Variants in SPSB4 observed in about 807,000 individuals in gnomAD.
The protein encoded by SPSB4 is splA/ryanodine receptor domain and SOCS box containing 4, also known as SPRY domain-containing SOCS box protein 4.
Under a neutral mutation model 20.9 loss-of-function variants are expected in SPSB4, and 21 were observed. The observed-to-expected ratio is 1.01, with a 90% confidence interval of 0.71 to 1.45. The LOEUF (loss-of-function observed/expected upper bound fraction) is 1.45. Among genes scored for constraint, SPSB4 ranks in the 40% most tolerant of loss-of-function variants. SPSB4 has a pLI of 0.00. For synonymous variants in SPSB4, 207 were observed against 183.8 expected, an observed-to-expected ratio of 1.13 and a Z score of -1.02; for missense variants, 399 against 399.2, an observed-to-expected ratio of 1.00 and a Z score of 0.00.
chr3:141,068,446 ATCTT>A (rs1937931856), intron 2 of SPSB4, among the ~76,000 whole-genome samples: 1 of 152,298 alleles, frequency 6.6e-6, no homozygotes, highest in East Asian at 1.9e-4. Flanking sequence ...ACAACAAACA[ATCTT>A]TATTTAATGG....
intron 2 of SPSB4, among the ~76,000 whole-genome samples, chr3:141,131,393 A>C (rs1329848645): frequency 6.6e-6 from 1 of 152,120 alleles, no homozygotes; most frequent in Non-Finnish European, 1.5e-5. Flanking sequence ...GACAGCACAC[A>C]AATCTTAAGG....
At chr3:141,094,752 C>G (rs1559847487) in intron 2 of SPSB4, among the ~76,000 whole-genome samples, 2 of 151,848 alleles carry the variant, frequency 1.3e-5, no homozygotes. Context: ...AAGGTTCTCC[C>G]TTGTGCCCTG....
At chr3:141,116,118 G>C (rs1938876272) in intron 2 of SPSB4, among the ~76,000 whole-genome samples, 1 of 152,206 alleles carries the variant, frequency 6.6e-6, no homozygotes, top group African/African-American at 2.4e-5. Flanking sequence ...AAGCATAGCT[G>C]TTTGCTAGAA....
chr3:141,061,995 A>G (rs1937776618), intron 1 of SPSB4, among the ~76,000 whole-genome samples: 1 of 152,166 alleles, frequency 6.6e-6, no homozygotes, highest in Non-Finnish European at 1.5e-5. Flanking sequence ...TTGGCCTCCC[A>G]AAGTTCTGGG....
At chr3:141,144,144 T>C (rs1388944382) in intron 2 of SPSB4, among the ~76,000 whole-genome samples, 1 of 152,210 alleles carries the variant, frequency 6.6e-6, no homozygotes, top group Non-Finnish European at 1.5e-5. Flanking sequence ...AAGCAGATCC[T>C]ATCAGACGTC....
intron 2 of SPSB4, among the ~76,000 whole-genome samples, chr3:141,110,325 A>G (rs1343761067): frequency 7.9e-5 from 12 of 152,344 alleles, no homozygotes; most frequent in Non-Finnish European, 8.8e-5. Flanking sequence ...AGCATTTTCA[A>G]TCATTAAAAC....
intron 1 of SPSB4, among the ~76,000 whole-genome samples, chr3:141,056,887 C>T (rs1937655814): frequency 6.6e-6 from 1 of 152,258 alleles, no homozygotes; most frequent in Non-Finnish European, 1.5e-5. Context: ...TTCAAATGAC[C>T]TTGCAGAGCT....
intron 2 of SPSB4, among the ~76,000 whole-genome samples, chr3:141,082,812 G>A (rs4683548): frequency 7.8e-4 from 119 of 152,184 alleles, no homozygotes; most frequent in Non-Finnish European, 1.3e-3. Context: ...GGCTCAAAGC[G>A]TCCCTTTCAG....
intron 2 of SPSB4, among the ~76,000 whole-genome samples, chr3:141,140,628 G>A (rs542517405): frequency 1.1e-3 from 174 of 152,320 alleles, no homozygotes; most frequent in African/African-American, 3.7e-3. Flanking sequence ...TATCAGCAGC[G>A]GTGGCTGCAG....
In SPSB4 at chr3:141,066,125, G is replaced by T. The variant is rs1166787544; in HGVS notation, c.21G>T (p.Gly7=). 6.5e-7 allele frequency: 1 copy of T among 1,530,624 alleles called. No individual in the cohort carries two copies. Among genetic ancestry groups the T allele is most frequent in the Non-Finnish European group, 8.8e-7 (1 of 1,141,828 alleles). The allele number at this position is 1,530,624 out of a possible 1,614,324, so 94.8% of individuals were successfully genotyped here. The change falls in exon 2 of 3, where the codon GGG becomes GGT. Residue 7 remains glycine, a synonymous_variant. Coordinates refer to ENST00000310546, the MANE Select transcript of SPSB4 (RefSeq NM_080862.3). ...GAAGCATGGGCCAGAAGCTCTCGGG[G>T]AGCCTCAAGTCAGTGGAGGTGCGAG... The part of the protein sequence containing the change: MGQKLS[G]SLKSVEVREP...
chr3:141,110,117 G>GT (rs1559850898), intron 2 of SPSB4, among the ~76,000 whole-genome samples: 1 of 152,120 alleles, frequency 6.6e-6, no homozygotes, highest in Non-Finnish European at 1.5e-5. Context: ...GGGATATTTG[G>GT]TCCACAGCGG....
intron 2 of SPSB4, among the ~76,000 whole-genome samples, chr3:141,136,925 T>C (rs1451941241): frequency 1.3e-5 from 2 of 152,210 alleles, no homozygotes; most frequent in Admixed American, 1.3e-4. Context: ...ATAAATAACC[T>C]TGGGCAGTAT....
intron 2 of SPSB4, among the ~76,000 whole-genome samples, chr3:141,093,301 T>A (rs1938489980): frequency 6.6e-6 from 1 of 151,818 alleles, no homozygotes; most frequent in Non-Finnish European, 1.5e-5. Context: ...TATCTAGTAA[T>A]GCCATACATT....
intron 2 of SPSB4, among the ~76,000 whole-genome samples, chr3:141,146,789 G>T (rs1939419053): frequency 6.8e-6 from 1 of 146,914 alleles, no homozygotes; most frequent in African/African-American, 2.5e-5. Context: ...AAAAAAAAAA[G>T]ACACGCTGAA....
intron 2 of SPSB4, among the ~76,000 whole-genome samples, chr3:141,135,186 G>T (rs1454548885): frequency 6.6e-6 from 1 of 151,680 alleles, no homozygotes; most frequent in African/African-American, 2.4e-5. Flanking sequence ...TATAATTGTT[G>T]TATGATTCTT....
At chr3:141,096,572 G>A (rs758310160) in intron 2 of SPSB4, among the ~76,000 whole-genome samples, 28 of 152,332 alleles carry the variant, frequency 1.8e-4, no homozygotes, top group East Asian at 3.9e-4. Context: ...ATTTCCTAGA[G>A]TATGGAGACC....
chr3:141,074,856 G>A (rs1476452785), intron 2 of SPSB4, among the ~76,000 whole-genome samples: 2 of 152,242 alleles, frequency 1.3e-5, no homozygotes, highest in Non-Finnish European at 2.9e-5. Flanking sequence ...TTGGGAAAAA[G>A]GGAAGGGGAA....
At chr3:141,145,462 T>C (rs1939398455) in intron 2 of SPSB4, among the ~76,000 whole-genome samples, 1 of 152,108 alleles carries the variant, frequency 6.6e-6, no homozygotes, top group African/African-American at 2.4e-5. Context: ...CTTGACTACA[T>C]TCCCATGTAA....
chr3:141,092,707 C>T (rs962150542), intron 2 of SPSB4, among the ~76,000 whole-genome samples: 1 of 152,178 alleles, frequency 6.6e-6, no homozygotes, highest in African/African-American at 2.4e-5. Flanking sequence ...CTGCTGAGGC[C>T]GGGTGAGCAG....
Sources: allele counts gnomAD v4.1 joint callset (sites outside exome capture counted in the v4.1 genomes callset), GRCh38; gene constraint gnomAD v4.1.1; transcripts MANE v1.5; gene names NCBI Gene and HGNC (gene_info 2026-07-23, HGNC 2026-07-21).